The following SRGAP2C variants were observed in gnomAD, a reference collection of about 807,000 sequenced individuals.
SRGAP2C encodes SLIT-ROBO Rho GTPase-activating protein 2C.
Under a neutral mutation model 25.1 loss-of-function variants are expected in SRGAP2C, and 15 were observed. The ratio of observed to expected loss-of-function variants is 0.60; its 90% CI spans 0.40 to 0.92. The LOEUF is 0.92. Ranked by LOEUF, SRGAP2C falls within the 40% of genes least tolerant of loss-of-function variation. The pLI, the probability that SRGAP2C is intolerant of heterozygous loss-of-function variation, is 0.00. For missense variants in SRGAP2C, 144 were observed against 264.4 expected, an observed-to-expected ratio of 0.54 and a Z score of 3.16; for synonymous variants, 44 against 96.6, an observed-to-expected ratio of 0.46 and a Z score of 3.19.
chr1:121,270,393 G>A (rs1161247353), intron 2 of SRGAP2C, among the ~76,000 whole-genome samples: 2 of 144,212 alleles, frequency 1.4e-5, no homozygotes, highest in Non-Finnish European at 3.1e-5. Flanking sequence ...TATCCTTGAA[G>A]GGCAAAAATT....
Position 121,314,924 on chromosome 1 carries a change from C to A in SRGAP2C, c.261-9554C>A, listed in dbSNP as rs1658061363. On this transcript the variant is annotated intron_variant, in intron 3 of 9. Coordinates refer to ENST00000367123, the MANE Select transcript of SRGAP2C (RefSeq NM_001329984.2). ...TTCCTATTCGGCCATATTGGCTCCTCCCCCCTACACTGAATCATTTATTTT... is the reference window on the plus strand; with the variant it reads ...TTCCTATTCGGCCATATTGGCTCCTACCCCCTACACTGAATCATTTATTTT... The A allele has an allele frequency of 5.2e-5, 39 of 742,994 alleles. 4 individuals carry two copies. The South Asian group carries it at 5.3e-4, about 10-fold the overall frequency. The allele number at this position is 742,994 out of a possible 1,614,324, so 46.0% of individuals were successfully genotyped here. A position where few individuals can be genotyped will look rare whatever the true frequency, so the allele number is the denominator to read the frequency against.
At chr1:121,269,952 T>G (rs587679751) in intron 2 of SRGAP2C, among the ~76,000 whole-genome samples, 4 of 151,910 alleles carry the variant, frequency 2.6e-5, no homozygotes, top group African/African-American at 4.8e-5. Flanking sequence ...TTATCTTTTT[T>G]TTGTTGTTTC....
intron 2 of SRGAP2C, among the ~76,000 whole-genome samples, chr1:121,219,149 A>G (rs1655470591): frequency 1.3e-5 from 2 of 150,192 alleles, no homozygotes; most frequent in South Asian, 2.1e-4. Context: ...TAACAAGTAT[A>G]CCTAGCGTGA....
chr1:121,335,897 T>A (rs1658505131), intron 4 of SRGAP2C, among the ~76,000 whole-genome samples: 4 of 152,122 alleles, frequency 2.6e-5, no homozygotes, highest in Non-Finnish European at 5.9e-5. Context: ...AAACTCTAGA[T>A]GTACTTATCT....
At chr1:121,292,262 C>T (rs1553337768) in intron 3 of SRGAP2C, among the ~76,000 whole-genome samples, 1 of 149,290 alleles carries the variant, frequency 6.7e-6, no homozygotes, top group Non-Finnish European at 1.5e-5. Flanking sequence ...ACATTAGTAA[C>T]AGCACTTTTG....
At position 121,391,924 on chromosome 1, in the gene SRGAP2C, A is replaced by G. The variant is rs375950476; in HGVS notation, c.*4069A>G. 1.3e-5 allele frequency: 2 copies of G among 152,296 alleles called. No individual in the cohort carries two copies. The highest frequency in any genetic ancestry group is 4.8e-5 in the African/African-American group (2 of 41,478). 9.4% of individuals were successfully genotyped at this position (152,296 alleles called of 1,614,324 possible). ...CAAAGACTTTAAAACAACTCTCTTCATTATACTCAAATGTCAAAAGGAAAA... is the reference window on the plus strand; with the variant it reads ...CAAAGACTTTAAAACAACTCTCTTCGTTATACTCAAATGTCAAAAGGAAAA... On this transcript the variant is annotated 3_prime_UTR_variant, in exon 10 of 10. Transcript: ENST00000367123.
chr1:121,273,706 G>T (rs1387778053), intron 2 of SRGAP2C, among the ~76,000 whole-genome samples: 2 of 151,846 alleles, frequency 1.3e-5, no homozygotes, highest in African/African-American at 4.8e-5. Flanking sequence ...GTCCACTGGG[G>T]CAAGGAGGGA....
At chr1:121,285,870 G>T (rs1207711620) in intron 3 of SRGAP2C, among the ~76,000 whole-genome samples, 1 of 151,764 alleles carries the variant, frequency 6.6e-6, no homozygotes, top group African/African-American at 2.4e-5. Context: ...TGAACAGCCA[G>T]CATTGAGGAT....
At chr1:121,191,552 A>G (rs1308907815) in intron 2 of SRGAP2C, among the ~76,000 whole-genome samples, 8 of 146,914 alleles carry the variant, frequency 5.4e-5, no homozygotes, top group African/African-American at 2.0e-4. Flanking sequence ...GGTCAGATTC[A>G]TGGTCATAAA....
intron 2 of SRGAP2C, among the ~76,000 whole-genome samples, chr1:121,270,295 T>C (rs1367393504): frequency 1.3e-5 from 2 of 151,976 alleles, no homozygotes; most frequent in Non-Finnish European, 2.9e-5. Context: ...CTTCAGGCCT[T>C]GAATATTGCT....
At chr1:121,278,094 C>T (rs1364000442) in intron 2 of SRGAP2C, among the ~76,000 whole-genome samples, 1 of 151,322 alleles carries the variant, frequency 6.6e-6, no homozygotes, top group Non-Finnish European at 1.5e-5. Flanking sequence ...GCATGCACCA[C>T]CTCCCCCCGC....
At chr1:121,326,743 C>G (rs1276423739) in intron 4 of SRGAP2C, among the ~76,000 whole-genome samples, 1 of 87,384 alleles carries the variant, frequency 1.1e-5, no homozygotes, top group African/African-American at 4.2e-5. Flanking sequence ...CCTAGAAACC[C>G]CCTCATATTC....
chr1:121,277,501 C>A (rs1307364571), intron 2 of SRGAP2C, among the ~76,000 whole-genome samples: 1 of 149,698 alleles, frequency 6.7e-6, no homozygotes, highest in Non-Finnish European at 1.5e-5. Flanking sequence ...CCCATCTGGG[C>A]CTCCCAAAGT....
chr1:121,267,883 T>A (rs1433717242), intron 2 of SRGAP2C, among the ~76,000 whole-genome samples: 2 of 151,560 alleles, frequency 1.3e-5, no homozygotes, highest in African/African-American at 2.4e-5. Context: ...CTCTTGCTTA[T>A]TTTTTTAAAA....
intron 3 of SRGAP2C, among the ~76,000 whole-genome samples, chr1:121,321,980 C>T (rs1367274670): frequency 2.7e-5 from 4 of 150,414 alleles, no homozygotes; most frequent in African/African-American, 9.8e-5. Flanking sequence ...TTCTTTGTCT[C>T]CCTTACTATA....
chr1:121,249,580 ATTTTTTTTT>A (rs1159053572), intron 2 of SRGAP2C, among the ~76,000 whole-genome samples: 2 of 22,366 alleles, frequency 8.9e-5, no homozygotes, highest in Non-Finnish European at 1.4e-4. Context: ...ATATATATAT[ATTTTTTTTT>A]TTTTTTTTTA....
rs587675738 is a variant in SRGAP2C at position 121,268,747 on chromosome 1, G to A, written c.68-16056G>A. 2.7e-3 allele frequency among the ~76,000 whole-genome samples: 289 copies of A among 107,776 alleles called. 11 individuals are homozygous for A. The highest frequency in any genetic ancestry group is 7.0e-3 in the African/African-American group (255 of 36,470). 70.7% of individuals were successfully genotyped at this position (107,776 alleles called of 152,430 possible). On this transcript the variant is annotated intron_variant, in intron 2 of 9. Coordinates refer to ENST00000367123, the MANE Select transcript of SRGAP2C (RefSeq NM_001329984.2). ...GTTACTGGGGTAGGGAACGTGCTGG[G>A]GTGTGGTCAGGATGGGGTGTCAAGA...
chr1:121,391,723 G>A lies in SRGAP2C; in HGVS notation c.*3868G>A, dbSNP rs2101690504. The A allele has an allele frequency of 6.6e-6, 1 of 151,496 alleles. No homozygotes were observed. The highest frequency in any genetic ancestry group is 1.9e-4 in the East Asian group (1 of 5,176). 9.4% of individuals were successfully genotyped at this position (151,496 alleles called of 1,614,324 possible). Reference sequence around the variant, plus strand: ...AAAACCACAAAACATTACTGTGTTTGTAGGGGGAGGTCTGATTTACAGAGT... The same window carrying A: ...AAAACCACAAAACATTACTGTGTTTATAGGGGGAGGTCTGATTTACAGAGT... On this transcript the variant is annotated 3_prime_UTR_variant, in exon 10 of 10. Transcript: ENST00000367123.
intron 3 of SRGAP2C, among the ~76,000 whole-genome samples, chr1:121,313,541 C>T (rs1570776922): frequency 1.5e-5 from 2 of 136,226 alleles, no homozygotes; most frequent in South Asian, 2.4e-4. Context: ...TACATTTTGG[C>T]ATGATTTTGC....
Sources: gnomAD v4.1 joint callset for allele counts (sites outside exome capture counted in the v4.1 genomes callset) on GRCh38, gnomAD v4.1.1 for gene constraint, MANE v1.5 for transcripts, NCBI Gene and HGNC (gene_info 2026-07-23, HGNC 2026-07-21) for gene names.